RNF212B: variants seen among roughly 807,000 people sequenced by gnomAD.
RNF212B encodes E3 ubiquitin-protein ligase RNF212B.
Under a neutral mutation model 55.5 loss-of-function variants are expected in RNF212B, and 52 were observed. The ratio of observed to expected loss-of-function variants is 0.94; its 90% confidence interval spans 0.75 to 1.18. The LOEUF is 1.18. Among genes scored for constraint, RNF212B ranks in the 50% most tolerant of loss-of-function variants. RNF212B has a pLI of 0.00. For missense variants in RNF212B, 289 were observed against 350.4 expected (o/e 0.82, Z 1.40); for synonymous variants, 99 against 121.4 (o/e 0.82, Z 1.21).
In RNF212B at chr14:23,259,902, GA is replaced by G; in HGVS notation, c.365del (p.Lys122ArgfsTer6). The G allele has an allele frequency of 6.6e-7, 1 of 1,520,270 alleles. No homozygotes were observed. The highest frequency in any genetic ancestry group is 2.5e-5 in the East Asian group (1 of 40,054). The allele number at this position is 1,520,270 out of a possible 1,614,324, so 94.2% of individuals were successfully genotyped here. ...TGCCTAGAGAATTGTCAGTCTTAAG[GA>G]AGGAGAATGGAGAACTGAAGAAATT... The part of the protein sequence containing the change: ...SQDKELSVLR[K>X]ENGELKKFLA... On this transcript the variant is annotated frameshift_variant, in exon 6 of 15. Transcript: ENST00000430154. LOFTEE classifies it high-confidence loss of function.
chr14:23,218,486 A>C (rs1056588971), intron 2 of RNF212B, among the ~76,000 whole-genome samples: 1 of 151,848 alleles, frequency 6.6e-6, no homozygotes, highest in Non-Finnish European at 1.5e-5. Flanking sequence ...GTTTGAAGAC[A>C]AGCTATTTGA....
intron 11 of RNF212B, among the ~76,000 whole-genome samples, chr14:23,267,023 T>C (rs1885754755): frequency 6.6e-6 from 1 of 152,174 alleles, no homozygotes; most frequent in Non-Finnish European, 1.5e-5. Context: ...TGCTGGAGTG[T>C]AGTGGCACAA....
chr14:23,193,760 A>AC (rs1321987396), intron 2 of RNF212B, among the ~76,000 whole-genome samples: 1 of 152,154 alleles, frequency 6.6e-6, no homozygotes, highest in East Asian at 1.9e-4. Context: ...ACAAAAAAAA[A>AC]AAAGGAAGAA....
chr14:23,219,617 G>A (rs952553406), intron 2 of RNF212B, among the ~76,000 whole-genome samples: 2 of 151,730 alleles, frequency 1.3e-5, no homozygotes, highest in Non-Finnish European at 2.9e-5. Flanking sequence ...AATGATAGGC[G>A]TGCACCACCA....
chr14:23,227,929 T>A (rs1178748044), intron 2 of RNF212B, among the ~76,000 whole-genome samples: 1 of 151,698 alleles, frequency 6.6e-6, no homozygotes, highest in African/African-American at 2.4e-5. Flanking sequence ...TAAAAGTTTT[T>A]TAAAAATCTC....
chr14:23,230,277 C>A (rs1882470853), intron 2 of RNF212B, among the ~76,000 whole-genome samples: 1 of 152,172 alleles, frequency 6.6e-6, no homozygotes, highest in African/African-American at 2.4e-5. Context: ...TTGATAGTAT[C>A]CTTTGTTGCA....
At chr14:23,254,692 C>T (rs565660456) in intron 4 of RNF212B, among the ~76,000 whole-genome samples, 2 of 152,266 alleles carry the variant, frequency 1.3e-5, no homozygotes, top group African/African-American at 4.8e-5. Context: ...CTGCACCTGG[C>T]CTAGTTTTAT....
In RNF212B at chr14:23,229,030, A is replaced by T. The variant is rs114247555; in HGVS notation, c.-1-11315A>T. Among the ~76,000 whole-genome samples the T allele has an allele frequency of 9.1e-3, 1,372 of 151,134 alleles. 15 individuals carry two copies. Among genetic ancestry groups the T allele is most frequent in the African/African-American group, 0.031 (1,286 of 41,156 alleles). On this transcript the variant is annotated intron_variant, in intron 2 of 15. Coordinates refer to the RNF212B transcript ENST00000399910. Reference sequence around the variant, plus strand: ...TAAGCAATTACTTCCTATCTCTCATACCCCTAGTTCCTGCTAACCTCTAAT... The same window carrying T: ...TAAGCAATTACTTCCTATCTCTCATTCCCCTAGTTCCTGCTAACCTCTAAT...
chr14:23,197,865 T>C lies in RNF212B; in HGVS notation c.-2+4464T>C, dbSNP rs796167563. 3.3e-5 allele frequency among the ~76,000 whole-genome samples: 5 copies of C among 151,154 alleles called. 1 individual carries two copies. The highest frequency in any genetic ancestry group is 1.2e-4 in the African/African-American group (5 of 41,234). Reference sequence around the variant, plus strand: ...CAAAAAGAGAGTCAGCGAAGGGAGATAGGGGTGGGGCCATTTCATAGGATT... The same window carrying C: ...CAAAAAGAGAGTCAGCGAAGGGAGACAGGGGTGGGGCCATTTCATAGGATT... On this transcript the variant is annotated intron_variant, in intron 2 of 15. Coordinates refer to the RNF212B transcript ENST00000399910.
chr14:23,251,080 G>T (rs1467953686), intron 4 of RNF212B, among the ~76,000 whole-genome samples: 1 of 152,136 alleles, frequency 6.6e-6, no homozygotes, highest in African/African-American at 2.4e-5. Flanking sequence ...TAAAAGACAA[G>T]AACCCATACT....
intron 1 of RNF212B, among the ~76,000 whole-genome samples, chr14:23,189,278 C>G (rs912424607): frequency 1.3e-5 from 2 of 152,318 alleles, no homozygotes; most frequent in East Asian, 3.9e-4. Context: ...CTAAATCTGT[C>G]AATCTACCTG....
rs150248689 is a variant in RNF212B at position 23,195,525 on chromosome 14, A to G, written c.-2+2124A>G. ...TTTTGTAATGCTCTTCCTTCATTAT[A>G]GTCTCATTTCTATTCAGTAATTCAA... On this transcript the variant is annotated intron_variant, in intron 2 of 15. Transcript: ENST00000399910. Among the ~76,000 whole-genome samples the G allele has an allele frequency of 5.7e-3, 874 of 152,272 alleles. 5 individuals are homozygous for G. Among genetic ancestry groups the G allele is most frequent in the Non-Finnish European group, 8.9e-3 (606 of 68,024 alleles).
At chr14:23,246,938 C>T (rs576998284) in intron 4 of RNF212B, among the ~76,000 whole-genome samples, 10 of 152,066 alleles carry the variant, frequency 6.6e-5, no homozygotes, top group African/African-American at 2.4e-4. Context: ...GTCCGGGGTT[C>T]GAGACCAGCC....
At position 23,231,875 on chromosome 14, in the gene RNF212B, T is replaced by C. The variant is rs557077224; in HGVS notation, c.-1-8470T>C. Among the ~76,000 whole-genome samples the C allele has an allele frequency of 9.4e-3, 1,430 of 152,352 alleles. 18 individuals carry two copies. The highest frequency in any genetic ancestry group is 0.032 in the African/African-American group (1,310 of 41,584). Reference sequence around the variant, plus strand: ...CGGGCTGGTCTCCAGCTCCTAACCGTGAGTGATCTGCCAGCCTCGGCCTCC... The same window carrying C: ...CGGGCTGGTCTCCAGCTCCTAACCGCGAGTGATCTGCCAGCCTCGGCCTCC... On this transcript the variant is annotated intron_variant, in intron 2 of 15. Coordinates refer to the RNF212B transcript ENST00000399910.
rs1013269360 is a variant in RNF212B, at chr14:23,254,177, C to T, written c.229-4372C>T. 3.3e-5 allele frequency among the ~76,000 whole-genome samples: 5 copies of T among 151,702 alleles called. No individual in the cohort carries two copies. In the South Asian group the frequency reaches 6.3e-4, roughly 19 times the overall value. On this transcript the variant is annotated intron_variant, in intron 4 of 14. Coordinates refer to ENST00000430154, the MANE Select transcript of RNF212B (RefSeq NM_001282322.3). ...GCATGCACCTGTTGTCCCAGCTACT[C>T]GGGAGGCTGAAGTGGGAGGATCACT...
chr14:23,259,308 C>T (rs1457300307), intron 5 of RNF212B, among the ~76,000 whole-genome samples: 1 of 151,530 alleles, frequency 6.6e-6, no homozygotes, highest in Non-Finnish European at 1.5e-5. Flanking sequence ...CCCACCTCAG[C>T]CTCCCAAGTA....
At chr14:23,228,083 A>G (rs956433806) in intron 2 of RNF212B, among the ~76,000 whole-genome samples, 3 of 151,834 alleles carry the variant, frequency 2.0e-5, no homozygotes, top group Non-Finnish European at 4.4e-5. Flanking sequence ...ATACAAAATT[A>G]GCCAGGCGTG....
intron 4 of RNF212B, among the ~76,000 whole-genome samples, chr14:23,247,140 C>A (rs147252098): frequency 2.3e-4 from 32 of 139,574 alleles, no homozygotes; most frequent in South Asian, 2.3e-4. Flanking sequence ...AACTCCATCT[C>A]AAAAAAAAAA....
At chr14:23,197,919 A>G (rs1350769023) in intron 2 of RNF212B, among the ~76,000 whole-genome samples, 1 of 152,214 alleles carries the variant, frequency 6.6e-6, no homozygotes, top group East Asian at 1.9e-4. Flanking sequence ...TTACAGTCAA[A>G]GGGGGTTGTT....
Sources: allele counts gnomAD v4.1 joint callset (sites outside exome capture counted in the v4.1 genomes callset), GRCh38; gene constraint gnomAD v4.1.1; transcripts MANE v1.5; gene names NCBI Gene and HGNC (gene_info 2026-07-23, HGNC 2026-07-21).